The following TRPM7 variants were observed in gnomAD, a reference collection of about 807,000 sequenced individuals.
TRPM7 encodes the protein LTRPC ion channel family member 7.
A neutral mutation model predicts 229.7 loss-of-function variants in TRPM7; 134 were observed. The observed-to-expected ratio is 0.58, with a 90% CI of 0.51 to 0.67. TRPM7 has a LOEUF of 0.67. TRPM7 is among the 30% of genes least tolerant of loss of function. The probability of loss-of-function intolerance (pLI) is 0.00; values close to 1 mark genes in which losing one functional copy is unlikely to be tolerated. For synonymous variants in TRPM7, 699 were observed against 715.2 expected (o/e 0.98, Z 0.36); for missense variants, 1,901 against 2,210.0 (o/e 0.86, Z 2.80).
intron 12 of TRPM7, among the ~76,000 whole-genome samples, chr15:50,621,015 C>G (rs529728310): frequency 6.6e-6 from 1 of 151,978 alleles, no homozygotes; most frequent in East Asian, 1.9e-4. Context: ...AAAAATTAGC[C>G]GGGCATGGTG....
chr15:50,623,729 A>G (rs960742869), intron 12 of TRPM7, among the ~76,000 whole-genome samples: 1 of 152,064 alleles, frequency 6.6e-6, no homozygotes, highest in Non-Finnish European at 1.5e-5. Flanking sequence ...GTCCTTTACA[A>G]AAAAAATGAA....
Position 50,605,078 on chromosome 15 carries a change from T to C in TRPM7, c.2776A>G (p.Ile926Val). 1.2e-6 allele frequency: 2 copies of C among 1,613,670 alleles called. No individual in the cohort carries two copies. Among genetic ancestry groups the C allele is most frequent in the Non-Finnish European group, 1.7e-6 (2 of 1,179,776 alleles). ...GAAATTATGGCAATTGTATCACTGATGTTGAAGTAATCACTAAACCATACT... is the reference window on the plus strand; with the variant it reads ...GAAATTATGGCAATTGTATCACTGACGTTGAAGTAATCACTAAACCATACT... Reference protein sequence around the residue: ...IKVWFSDYFNISDTIAIISFF... With the variant: ...IKVWFSDYFNVSDTIAIISFF... Residue 926 changes from isoleucine (I) to valine (V), a missense_variant, in exon 21 of 39, where the codon ATC becomes GTC. Ile to Val is a conservative substitution (Grantham distance 29). Transcript: ENST00000646667.
chr15:50,614,508 CA>C (rs2060158816), intron 13 of TRPM7, among the ~76,000 whole-genome samples: 1 of 151,618 alleles, frequency 6.6e-6, no homozygotes. Context: ...ACTAAAAATA[CA>C]AAAAAATTAG....
At chr15:50,629,254 C>T (rs1446953237) in intron 10 of TRPM7, among the ~76,000 whole-genome samples, 1 of 137,652 alleles carries the variant, frequency 7.3e-6, no homozygotes, top group Non-Finnish European at 1.6e-5. Flanking sequence ...TCTCCATGTG[C>T]CATGGAGAGG....
chr15:50,591,805 T>C (rs1489913377), intron 26 of TRPM7, 106 bp downstream of exon 26: 2 of 851,504 alleles, frequency 2.3e-6, no homozygotes, highest in Non-Finnish European at 3.3e-6. Context: ...AATTTTATAA[T>C]TATACTCTAT....
intron 22 of TRPM7, among the ~76,000 whole-genome samples, chr15:50,597,245 G>A (rs2059657209): frequency 1.3e-5 from 2 of 152,136 alleles, no homozygotes; most frequent in African/African-American, 4.8e-5. Context: ...ACAAGGAAAG[G>A]AAGAGCTTTA....
At chr15:50,573,605 G>T (rs2053993562) in intron 36 of TRPM7, among the ~76,000 whole-genome samples, 1 of 152,168 alleles carries the variant, frequency 6.6e-6, no homozygotes, top group Non-Finnish European at 1.5e-5. Context: ...AGGTAGTTTA[G>T]TTCACAATAA....
At chr15:50,678,235 C>A (rs1428091007) in intron 1 of TRPM7, among the ~76,000 whole-genome samples, 2 of 114,004 alleles carry the variant, frequency 1.8e-5, no homozygotes, top group African/African-American at 3.1e-5. Context: ...GTGAGACTCT[C>A]TCTCAAAAAA....
chr15:50,626,298 C>T (rs2060557189), intron 11 of TRPM7, among the ~76,000 whole-genome samples: 1 of 151,850 alleles, frequency 6.6e-6, no homozygotes, highest in Non-Finnish European at 1.5e-5. Flanking sequence ...TGAAATTTCA[C>T]TTTAGTAGAA....
In TRPM7 at chr15:50,561,272, G is replaced by A. The variant is rs898283036; in HGVS notation, c.*406C>T. The A allele has an allele frequency of 2.3e-4, 37 of 158,178 alleles. No individual in the cohort carries two copies. Among genetic ancestry groups the A allele is most frequent in the African/African-American group, 9.6e-5 (4 of 41,586 alleles). 9.8% of individuals were successfully genotyped at this position (158,178 alleles called of 1,614,324 possible). ...GACTGCCATTTAACCAAAAGGCTGC[G>A]TGATTTCTTCATTTCCCTAGTTGAA... On this transcript the variant is annotated 3_prime_UTR_variant, in exon 39 of 39. Transcript: ENST00000646667.
At position 50,592,644 on chromosome 15, in the gene TRPM7, G is replaced by T; in HGVS notation, c.3609-18C>A. 1.2e-5 allele frequency: 18 copies of T among 1,448,724 alleles called. No individual in the cohort carries two copies. The highest frequency in any genetic ancestry group is 4.6e-5 in the Admixed American group (2 of 43,430). The allele number at this position is 1,448,724 out of a possible 1,614,324, so 89.7% of individuals were successfully genotyped here. ...GTTCCACTCTGTAGGAGAGAAATAA[G>T]CTTTTTTTACAAATGTGAAAAAATA... On this transcript the variant is annotated intron_variant, in intron 25 of 38. Transcript: ENST00000646667.
intron 1 of TRPM7, among the ~76,000 whole-genome samples, chr15:50,672,297 C>T (rs1207695937): frequency 6.6e-6 from 1 of 151,988 alleles, no homozygotes; most frequent in African/African-American, 2.4e-5. Context: ...GTGACGTGAT[C>T]CGCCCACCTT....
At chr15:50,583,043 T>G (rs2054498607) in intron 29 of TRPM7, 46 bp downstream of exon 29, 1 of 1,328,616 alleles carries the variant, frequency 7.5e-7, no homozygotes, top group Non-Finnish European at 1.0e-6. Flanking sequence ...CTAAAAAAGT[T>G]TAATGTATTT....
At chr15:50,678,518 ATATAT>A (rs371244140) in intron 1 of TRPM7, among the ~76,000 whole-genome samples, 15,645 of 117,986 alleles carry the variant, frequency 0.13, 1,003 homozygotes, top group Middle Eastern at 0.19. Context: ...AAAAAAAAAA[ATATAT>A]ATATATATAT....
chr15:50,644,603 G>A (rs2061204032), intron 4 of TRPM7, among the ~76,000 whole-genome samples: 1 of 152,046 alleles, frequency 6.6e-6, no homozygotes, highest in Non-Finnish European at 1.5e-5. Flanking sequence ...AAGCGTTCGA[G>A]GCCAGCCTGA....
chr15:50,659,304 A>T (rs1347084726), intron 2 of TRPM7, among the ~76,000 whole-genome samples: 1 of 152,188 alleles, frequency 6.6e-6, no homozygotes, highest in Non-Finnish European at 1.5e-5. Context: ...CTGCTTGGAC[A>T]TACAAAGACT....
At chr15:50,594,036 CT>C (rs1246908111) in intron 24 of TRPM7, among the ~76,000 whole-genome samples, 1 of 152,134 alleles carries the variant, frequency 6.6e-6, no homozygotes, top group Non-Finnish European at 1.5e-5. Flanking sequence ...CACGTATCTA[CT>C]CAGAGAAATT....
At chr15:50,665,493 T>G (rs145032633) in intron 1 of TRPM7, among the ~76,000 whole-genome samples, 1 of 152,070 alleles carries the variant, frequency 6.6e-6, no homozygotes, top group East Asian at 1.9e-4. Context: ...CTGATCACAA[T>G]GCAATTAACA....
In TRPM7 at chr15:50,557,241, T is replaced by G. The variant is rs1356905694; in HGVS notation, c.*4437A>C. The G allele has an allele frequency of 6.6e-6, 1 of 152,194 alleles. No individual in the cohort carries two copies. Among genetic ancestry groups the G allele is most frequent in the African/African-American group, 2.4e-5 (1 of 41,444 alleles). 9.4% of individuals were successfully genotyped at this position (152,194 alleles called of 1,614,324 possible). A position where few individuals can be genotyped will look rare whatever the true frequency, so the allele number is the denominator to read the frequency against. ...TGTAAGACTACAACATTACGACCCA[T>G]CTCTTCAAGAGGAAGTCTGGTATTA... On this transcript the variant is annotated 3_prime_UTR_variant, in exon 39 of 39. Transcript: ENST00000646667.
Sources: gnomAD v4.1 joint callset for allele counts (sites outside exome capture counted in the v4.1 genomes callset) on GRCh38, gnomAD v4.1.1 for gene constraint, MANE v1.5 for transcripts, NCBI Gene and HGNC (gene_info 2026-07-23, HGNC 2026-07-21) for gene names.